The following PCDH15 variants were observed in gnomAD, a reference collection of about 807,000 sequenced individuals.
The protein encoded by PCDH15 is protocadherin related 15.
PCDH15 carries 129 observed loss-of-function variants against 178.5 expected under a neutral mutation model. That is an observed-to-expected ratio of 0.72 (90% CI 0.63 to 0.84). The LOEUF (loss-of-function observed/expected upper bound fraction) is 0.84, where lower values mean the gene tolerates loss of function less well. Among genes scored for constraint, PCDH15 ranks in the 40% least tolerant of loss-of-function variants. The probability of loss-of-function intolerance (pLI) is 0.00; values close to 1 mark genes in which losing one functional copy is unlikely to be tolerated. For synonymous variants in PCDH15, 800 were observed against 732.0 expected (o/e 1.09, Z -1.50); for missense variants, 2,230 against 2,099.9 (o/e 1.06, Z -1.21).
intron 29 of PCDH15, among the ~76,000 whole-genome samples, chr10:53,839,355 T>C (rs994746211): frequency 6.6e-6 from 1 of 151,938 alleles, no homozygotes; most frequent in Non-Finnish European, 1.5e-5. Context: ...TAAAACTAAA[T>C]TCAGAATTTA....
intron 3 of PCDH15, among the ~76,000 whole-genome samples, chr10:54,401,839 C>A (rs1857130): frequency 0.95 from 143,892 of 151,846 alleles, 68,668 homozygotes; most frequent in Middle Eastern, 1. Context: ...TAAAGAAGAA[C>A]ACATCTTAAA....
At chr10:54,114,979 A>T (rs1375772121) in intron 15 of PCDH15, among the ~76,000 whole-genome samples, 1 of 152,126 alleles carries the variant, frequency 6.6e-6, no homozygotes, top group Non-Finnish European at 1.5e-5. Flanking sequence ...ATTTTAGGTA[A>T]TTTTTTTAAA....
intron 6 of PCDH15, among the ~76,000 whole-genome samples, chr10:54,345,134 A>G (rs1196607212): frequency 2.0e-5 from 3 of 151,810 alleles, no homozygotes; most frequent in Non-Finnish European, 4.4e-5. Context: ...TTCACTTACG[A>G]GTTTTCTTTG....
chr10:55,361,547 T>A (rs1845230392), intron 2 of PCDH15, among the ~76,000 whole-genome samples: 1 of 151,970 alleles, frequency 6.6e-6, no homozygotes, highest in Non-Finnish European at 1.5e-5. Flanking sequence ...ATTTAAAAAG[T>A]TTCAAAATAA....
intron 2 of PCDH15, among the ~76,000 whole-genome samples, chr10:54,925,457 A>AATAGTTCATT (rs1837594813): frequency 1.3e-5 from 2 of 152,106 alleles, no homozygotes; most frequent in Admixed American, 6.6e-5. Flanking sequence ...TTAATTTTAA[A>AATAGTTCATT]ATAGTTCATT....
chr10:55,314,741 G>A (rs1248040804), intron 1 of PCDH15, among the ~76,000 whole-genome samples: 5 of 152,078 alleles, frequency 3.3e-5, no homozygotes, highest in Non-Finnish European at 7.4e-5. Context: ...GCTCAGTTAC[G>A]TTTTTCCACA....
At chr10:53,940,674 GA>G (rs539462338) in intron 24 of PCDH15, among the ~76,000 whole-genome samples, 191 bp downstream of exon 24, 53 of 152,168 alleles carry the variant, frequency 3.5e-4, no homozygotes, top group African/African-American at 1.2e-3. Context: ...TTTCTTAAGG[GA>G]AAAAATCACT....
intron 20 of PCDH15, among the ~76,000 whole-genome samples, chr10:54,004,740 C>G (rs1255250870): frequency 1.3e-5 from 2 of 151,824 alleles, no homozygotes; most frequent in Admixed American, 6.6e-5. Context: ...TCAAAGCGTT[C>G]TACAGATTCA....
chr10:55,227,524 A>T (rs1223480943), intron 1 of PCDH15, among the ~76,000 whole-genome samples: 1 of 149,010 alleles, frequency 6.7e-6, no homozygotes, highest in East Asian at 2.0e-4. Flanking sequence ...CAGCAGTAAT[A>T]GAGCAGAAGG....
At chr10:54,680,895 G>A (rs191165790) in intron 1 of PCDH15, among the ~76,000 whole-genome samples, 1 of 152,144 alleles carries the variant, frequency 6.6e-6, no homozygotes, top group South Asian at 2.1e-4. Flanking sequence ...TACAGAGAGA[G>A]AAAGAAGGTT....
At chr10:55,277,427 G>A (rs1027412481) in intron 1 of PCDH15, among the ~76,000 whole-genome samples, 1 of 151,994 alleles carries the variant, frequency 6.6e-6, no homozygotes, top group Non-Finnish European at 1.5e-5. Flanking sequence ...GGGCAAGTTA[G>A]GGCTGTTATA....
chr10:55,588,880 G>C (rs1006823483), intron 2 of PCDH15, among the ~76,000 whole-genome samples: 4 of 151,990 alleles, frequency 2.6e-5, no homozygotes, highest in African/African-American at 9.7e-5. Context: ...TTGGGAGTTT[G>C]AGACCAGCCT....
chr10:54,534,152 A>G (rs1163504239), intron 2 of PCDH15, among the ~76,000 whole-genome samples: 3 of 152,188 alleles, frequency 2.0e-5, no homozygotes. Flanking sequence ...TATTTTCATT[A>G]GGAATATATT....
chr10:54,364,970 C>T (rs12246738), intron 5 of PCDH15, among the ~76,000 whole-genome samples: 2,680 of 152,154 alleles, frequency 0.018, 76 homozygotes, highest in African/African-American at 0.057. Context: ...TGGCTAAGTC[C>T]TTCTAAGTCT....
chr10:55,197,091 C>G (rs906844367), intron 1 of PCDH15, among the ~76,000 whole-genome samples: 12 of 151,888 alleles, frequency 7.9e-5, no homozygotes, highest in African/African-American at 1.9e-4. Flanking sequence ...GTAAAATAAA[C>G]AAGTACTTCT....
intron 3 of PCDH15, among the ~76,000 whole-genome samples, chr10:54,413,035 T>C (rs1255201582): frequency 6.6e-6 from 1 of 152,228 alleles, no homozygotes; most frequent in African/African-American, 2.4e-5. Flanking sequence ...ACTTGCTTAC[T>C]GAACTTTGTA....
chr10:54,486,435 T>C (rs571368022), intron 3 of PCDH15: 18 of 152,202 alleles, frequency 1.2e-4, no homozygotes, highest in Admixed American at 9.8e-4. Context: ...ATTTGCCTTT[T>C]TGAATCACAT....
intron 1 of PCDH15, chr10:55,247,612 C>A (rs1210519530): frequency 6.9e-6 from 1 of 145,832 alleles, no homozygotes; most frequent in Admixed American, 6.9e-5. Context: ...CATTATAATT[C>A]TTTTTTTTTT....
At position 54,491,955 on chromosome 10, in the gene PCDH15, C is replaced by T. The variant is rs75448586; in HGVS notation, c.157+35857G>A. 3.3e-4 allele frequency among the ~76,000 whole-genome samples: 50 copies of T among 152,274 alleles called. No homozygotes were observed. The East Asian group carries it at 6.2e-3, about 19-fold the overall frequency. On this transcript the variant is annotated intron_variant, in intron 3 of 37. Coordinates refer to ENST00000644397, the MANE Select transcript of PCDH15 (RefSeq NM_001384140.1). ...GAAAGGTTAGTTACAAAAGCACCCA[C>T]GGTGATCCAAACTTATATTACACAT...
Sources: allele counts gnomAD v4.1 joint callset (sites outside exome capture counted in the v4.1 genomes callset), GRCh38; gene constraint gnomAD v4.1.1; transcripts MANE v1.5; gene names NCBI Gene and HGNC (gene_info 2026-07-23, HGNC 2026-07-21).